The following PCNX2 variants were observed in gnomAD, a reference collection of about 807,000 sequenced individuals.
PCNX2 encodes pecanex 2.
Under a neutral mutation model 223.8 loss-of-function variants are expected in PCNX2, and 168 were observed. The ratio of observed to expected loss-of-function variants is 0.75; its 90% CI spans 0.66 to 0.85. PCNX2 has a LOEUF of 0.85. PCNX2 is among the 40% of genes least tolerant of loss of function. The pLI is 0.00. For missense variants in PCNX2, 2,507 were observed against 2,675.5 expected, an observed-to-expected ratio of 0.94 and a Z score of 1.39; for synonymous variants, 1,006 against 1,052.6, an observed-to-expected ratio of 0.96 and a Z score of 0.86.
rs189354216 is a variant in PCNX2, at chr1:233,007,593, C to T, written c.4953-5912G>A. On this transcript the variant is annotated intron_variant, in intron 28 of 33. Transcript: ENST00000258229. ...CTCTCTGTTGCCCAGGCTGGAGTGC[C>T]GTGGCGTGATCTCAACTCACTGCAA... Among the ~76,000 whole-genome samples, 23 of 152,188 alleles carry T rather than the reference C, an allele frequency of 1.5e-4. No homozygotes were observed. In the East Asian group the frequency reaches 3.7e-3, roughly 24 times the overall value.
the PCNX2 span, among the ~76,000 whole-genome samples, chr1:233,323,384 A>G: frequency 6.6e-6 from 1 of 152,188 alleles, no homozygotes; most frequent in South Asian, 2.1e-4. Flanking sequence ...CATATAACCT[A>G]TGCACATCCT....
intron 14 of PCNX2, among the ~76,000 whole-genome samples, chr1:233,199,601 G>C (rs1184291649): frequency 6.6e-6 from 1 of 152,148 alleles, no homozygotes; most frequent in Non-Finnish European, 1.5e-5. Flanking sequence ...GAAAAGTTAA[G>C]CAATTTATGT....
At chr1:233,035,689 T>A (rs957367453) in intron 25 of PCNX2, among the ~76,000 whole-genome samples, 1 of 152,222 alleles carries the variant, frequency 6.6e-6, no homozygotes, top group Non-Finnish European at 1.5e-5. Context: ...GATACATATG[T>A]TGGATTATTA....
intron 26 of PCNX2, 70 bp from the exon 27 acceptor site, chr1:233,017,224 G>GT (rs1670704682): frequency 2.8e-6 from 3 of 1,061,662 alleles, no homozygotes; most frequent in Non-Finnish European, 3.8e-6. Context: ...CCTCAGGAAA[G>GT]TAAGAGGCAT....
intron 1 of PCNX2, among the ~76,000 whole-genome samples, chr1:233,265,008 C>G (rs911283891): frequency 1.3e-5 from 2 of 152,046 alleles, no homozygotes; most frequent in African/African-American, 4.8e-5. Flanking sequence ...GAGGCCAAGG[C>G]AGAAGGATTG....
At chr1:233,282,729 C>T (rs1661252996) in intron 1 of PCNX2, among the ~76,000 whole-genome samples, 1 of 152,168 alleles carries the variant, frequency 6.6e-6, no homozygotes. Flanking sequence ...TTTGTCCTTT[C>T]TTTGATCTAC....
the PCNX2 span, among the ~76,000 whole-genome samples, chr1:233,325,518 C>CA: frequency 3.0e-5 from 4 of 132,208 alleles, no homozygotes; most frequent in African/African-American, 5.8e-5. Context: ...AAAAAAAAAC[C>CA]AAAAAAAATT....
intron 21 of PCNX2, chr1:233,112,886 A>G (rs1558243079): frequency 1.6e-6 from 2 of 1,289,098 alleles, no homozygotes; most frequent in Admixed American, 4.6e-5. Flanking sequence ...CGTGTATTTC[A>G]GCCCCTCCCA....
chr1:233,304,524 C>A, the PCNX2 span, among the ~76,000 whole-genome samples: 2 of 152,044 alleles, frequency 1.3e-5, no homozygotes, highest in Non-Finnish European at 1.5e-5. Flanking sequence ...TAAATTACAT[C>A]TTTTGGCTCT....
At chr1:233,069,657 A>G (rs1672765240) in intron 23 of PCNX2, among the ~76,000 whole-genome samples, 1 of 152,122 alleles carries the variant, frequency 6.6e-6, no homozygotes, top group African/African-American at 2.4e-5. Flanking sequence ...CACACACAAA[A>G]AAAAGAAAAA....
chr1:233,182,206 A>T (rs909882314), intron 15 of PCNX2, among the ~76,000 whole-genome samples: 1 of 152,142 alleles, frequency 6.6e-6, no homozygotes, highest in Admixed American at 6.5e-5. Flanking sequence ...TAAGTTTTTG[A>T]CATGGGAGGG....
intron 1 of PCNX2, among the ~76,000 whole-genome samples, chr1:233,276,542 A>G (rs1660923869): frequency 6.6e-6 from 1 of 152,232 alleles, no homozygotes; most frequent in African/African-American, 2.4e-5. Context: ...TGGATTACGC[A>G]TGACATTTTT....
rs1264578808 is a variant in PCNX2 at position 233,126,434 on chromosome 1, A to G, written c.3837+8579T>C. Reference sequence around the variant, plus strand: ...CTGTCATGGAAAAGTCTTCTAACACATATTTTAAGCAAAAATGGAGGTAAA... The same window carrying G: ...CTGTCATGGAAAAGTCTTCTAACACGTATTTTAAGCAAAAATGGAGGTAAA... On this transcript the variant is annotated intron_variant, in intron 21 of 33. Coordinates refer to ENST00000258229, the MANE Select transcript of PCNX2 (RefSeq NM_014801.4). This position sits in a 1 kb window ranked among gnomAD's most constrained non-coding sequence, Gnocchi z 4.8. 6.6e-6 allele frequency among the ~76,000 whole-genome samples: 1 copy of G among 152,224 alleles called. No individual in the cohort carries two copies. Among genetic ancestry groups the G allele is most frequent in the Non-Finnish European group, 1.5e-5 (1 of 68,044 alleles).
chr1:233,211,703 C>A (rs1681827356), intron 12 of PCNX2: 3 of 911,756 alleles, frequency 3.3e-6, no homozygotes, highest in Non-Finnish European at 3.9e-6. Context: ...CTCTACCAAC[C>A]ATGGGGAGGC....
chr1:233,140,129 A>G (rs1050315111), intron 19 of PCNX2, among the ~76,000 whole-genome samples: 4 of 144,554 alleles, frequency 2.8e-5, no homozygotes, highest in African/African-American at 5.2e-5. Flanking sequence ...ACTGAGACCA[A>G]TGAATGGGCT....
At chr1:233,227,118 C>T (rs1572111650) in intron 10 of PCNX2, 108 bp downstream of exon 10, 3 of 1,298,600 alleles carry the variant, frequency 2.3e-6, no homozygotes, top group East Asian at 2.6e-5. Context: ...AGGAAGCGTA[C>T]AACTTGAAAA....
chr1:233,047,286 G>C (rs1231062598), intron 25 of PCNX2: 1 of 773,482 alleles, frequency 1.3e-6, no homozygotes, highest in South Asian at 5.9e-5. Flanking sequence ...TCTAAGATGA[G>C]ACCAGAACAT....
intron 22 of PCNX2, among the ~76,000 whole-genome samples, chr1:233,094,333 T>G (rs1558224647): frequency 6.6e-6 from 1 of 152,250 alleles, no homozygotes; most frequent in East Asian, 1.9e-4. Flanking sequence ...TTTCACCTGT[T>G]TTTGTTTTAA....
chr1:233,288,339 T>C (rs1414527191), intron 1 of PCNX2, among the ~76,000 whole-genome samples: 2 of 152,108 alleles, frequency 1.3e-5, no homozygotes, highest in African/African-American at 4.8e-5. Context: ...CCATTCAAAA[T>C]ACAGCCAATC....
Sources: gnomAD v4.1 joint callset for allele counts (sites outside exome capture counted in the v4.1 genomes callset) on GRCh38, gnomAD v4.1.1 for gene constraint, Gnocchi (gnomAD v3.1) non-coding constraint, MANE v1.5 for transcripts, NCBI Gene and HGNC (gene_info 2026-07-23, HGNC 2026-07-21) for gene names.